Variants in RAD50 observed in about 807,000 individuals in gnomAD.
The protein encoded by RAD50 is DNA repair protein RAD50.
Under a neutral mutation model 168.8 loss-of-function variants are expected in RAD50, and 132 were observed. The ratio of observed to expected loss-of-function variants is 0.78; its 90% CI spans 0.68 to 0.90. The LOEUF (loss-of-function observed/expected upper bound fraction) is 0.90, where lower values mean the gene tolerates loss of function less well. Among genes scored for constraint, RAD50 ranks in the 40% least tolerant of loss-of-function variants. The pLI, the probability that RAD50 is intolerant of heterozygous loss-of-function variation, is 0.00. For synonymous variants in RAD50, 525 were observed against 497.4 expected, an observed-to-expected ratio of 1.06 and a Z score of -0.74; for missense variants, 1,347 against 1,534.4, an observed-to-expected ratio of 0.88 and a Z score of 2.04.
intron 5 of RAD50, 123 bp downstream of exon 5, chr5:132,580,189 A>AT: frequency 1.3e-6 from 1 of 779,510 alleles, no homozygotes; most frequent in Non-Finnish European, 2.1e-6. Flanking sequence ...CATTACTTCA[A>AT]TTTTTTTATG....
chr5:132,609,835 A>G (rs568458946), intron 19 of RAD50, among the ~76,000 whole-genome samples: 1 of 152,238 alleles, frequency 6.6e-6, no homozygotes, highest in Admixed American at 6.5e-5. Flanking sequence ...TTCTTACTTC[A>G]TTTATTTTTT....
intron 1 of RAD50, 115 bp from the exon 2 acceptor site, chr5:132,559,167 CAG>C: frequency 9.7e-7 from 1 of 1,029,056 alleles, no homozygotes; most frequent in Non-Finnish European, 1.4e-6. Context: ...TTTATAATGT[CAG>C]ATTTTATCTT....
chr5:132,590,276 T>C (rs929220031), intron 9 of RAD50, among the ~76,000 whole-genome samples: 6 of 152,056 alleles, frequency 3.9e-5, no homozygotes, highest in African/African-American at 1.4e-4. Flanking sequence ...TCAAGACCTG[T>C]CCAGCCAACA....
intron 21 of RAD50, among the ~76,000 whole-genome samples, chr5:132,625,081 T>G (rs1460611047): frequency 6.6e-6 from 1 of 151,964 alleles, no homozygotes; most frequent in African/African-American, 2.4e-5. Flanking sequence ...ATGTCCAGAT[T>G]TTGAATTCTT....
chr5:132,630,043 CTT>C (rs753085121), intron 21 of RAD50, among the ~76,000 whole-genome samples: 21 of 141,184 alleles, frequency 1.5e-4, no homozygotes, highest in Admixed American at 2.1e-4. Context: ...TTAGGTAATA[CTT>C]TTTTTTTTTT....
chr5:132,578,169 A>G (rs1027981796), intron 3 of RAD50, among the ~76,000 whole-genome samples: 4 of 152,198 alleles, frequency 2.6e-5, no homozygotes, highest in African/African-American at 4.8e-5. Flanking sequence ...CAACGTTTCC[A>G]AAACCAAACT....
At chr5:132,632,917 G>A (rs6596087) in intron 21 of RAD50, among the ~76,000 whole-genome samples, 39,788 of 151,714 alleles carry the variant, frequency 0.26, 5,803 homozygotes, top group African/African-American at 0.39. Context: ...TTTGTATGTT[G>A]TCTATTTGTA....
At chr5:132,595,350 A>G in intron 12 of RAD50, 1 of 515,054 alleles carries the variant, frequency 1.9e-6, no homozygotes, top group Non-Finnish European at 3.3e-6. Context: ...GCATTTTGTT[A>G]TACTTATAAT....
intron 19 of RAD50, among the ~76,000 whole-genome samples, chr5:132,611,165 CG>C (rs1314608952): frequency 6.6e-6 from 1 of 151,976 alleles, no homozygotes; most frequent in Admixed American, 6.6e-5. Flanking sequence ...CCAAGGCAGA[CG>C]GATCACCTGA....
rs745384449 is a variant in RAD50 at position 132,595,709 on chromosome 5, G to A, written c.2106G>A (p.Gln702=). Residue 702 remains glutamine, a synonymous_variant, in exon 13 of 25, where the codon CAG becomes CAA. Transcript: ENST00000378823. ...AELQEVISDL[Q]SKLRLAPDKL... is the part of the protein sequence containing the mutation. ...TACAAGAAGTCATCAGTGATTTGCA[G>A]TCTAAACTGCGACTTGCTCCAGATA... The A allele has an allele frequency of 1.2e-6, 2 of 1,613,972 alleles. No individual in the cohort carries two copies. Among genetic ancestry groups the A allele is most frequent in the East Asian group, 2.2e-5 (1 of 44,874 alleles).
In RAD50 at chr5:132,604,900, G is replaced by A. The variant is rs751662539; in HGVS notation, c.2619G>A (p.Glu873=). The change falls in exon 16 of 25, where the codon GAG becomes GAA. Residue 873 remains glutamate (E), a synonymous_variant. Transcript: ENST00000378823. ...LKSTTNELKS[E]KLQISTNLQR... ...GTACAACAAATGAGCTAAAATCTGA[G>A]AAACTTCAGATATCCACTAATTTGC... 7 of 1,613,312 alleles carry A rather than the reference G, an allele frequency of 4.3e-6. No individual in the cohort carries two copies. In the Admixed American group the frequency reaches 1.0e-4, roughly 23 times the overall value.
At chr5:132,605,114 G>A (rs1053764134) in intron 16 of RAD50, 115 bp downstream of exon 16, 15 of 709,374 alleles carry the variant, frequency 2.1e-5, no homozygotes, top group Admixed American at 3.3e-5. Context: ...GCACGATCTC[G>A]GCTCACTGCA....
chr5:132,576,007 T>A, intron 3 of RAD50, 79 bp downstream of exon 3: 1 of 1,371,532 alleles, frequency 7.3e-7, no homozygotes, highest in Non-Finnish European at 1.0e-6. Context: ...TTTTCTACTA[T>A]AAGTTTAGGG....
At position 132,579,317 on chromosome 5, in the gene RAD50, G is replaced by T. The variant is rs587782384; in HGVS notation, c.366G>T (p.Lys122Asn). The T allele has an allele frequency of 6.2e-7, 1 of 1,613,264 alleles. No individual in the cohort carries two copies. Among genetic ancestry groups the T allele is most frequent in the Non-Finnish European group, 8.5e-7 (1 of 1,179,336 alleles). Reference sequence around the variant, plus strand: ...TATTCTTGATTTTCATTTTCTGTAGGCATGGTGAAAAGGTCAGTCTGAGCT... The same window carrying T: ...TATTCTTGATTTTCATTTTCTGTAGTCATGGTGAAAAGGTCAGTCTGAGCT... ...KTLEGVITRTKHGEKVSLSSK... is the reference protein window; with the variant it reads ...KTLEGVITRTNHGEKVSLSSK... Residue 122 changes from lysine (K) to asparagine (N), a missense_variant and splice_region_variant, in exon 4 of 25, where the codon AAG (lysine) becomes AAT (asparagine). Lys to Asn is a moderately conservative substitution (Grantham distance 94). Coordinates refer to ENST00000378823, the MANE Select transcript of RAD50 (RefSeq NM_005732.4).
chr5:132,585,831 C>G (rs1750587365), intron 5 of RAD50, among the ~76,000 whole-genome samples: 1 of 151,916 alleles, frequency 6.6e-6, no homozygotes, highest in Admixed American at 6.6e-5. Context: ...TGGGCTCAAG[C>G]AATCAGCCTG....
rs376414399 is a variant in RAD50, at chr5:132,581,665, G to A, written c.756+1599G>A. On this transcript the variant is annotated intron_variant, in intron 5 of 24. Transcript: ENST00000378823. ...CTTAATCAGAACAGGATTATGAGAG[G>A]AAGAGTCTGGGTTAAGTAAATCAAT... is the stretch of plus-strand genomic sequence containing the variant. Among the ~76,000 whole-genome samples, 61 of 152,238 alleles carry A rather than the reference G, an allele frequency of 4.0e-4. No homozygotes were observed. The East Asian group carries it at 6.4e-3, about 16-fold the overall frequency.
At chr5:132,624,405 C>A (rs1374199017) in intron 21 of RAD50, among the ~76,000 whole-genome samples, 1 of 151,910 alleles carries the variant, frequency 6.6e-6, no homozygotes, top group Non-Finnish European at 1.5e-5. Flanking sequence ...TTTAATAATT[C>A]TTTTTAGTCT....
In RAD50 at chr5:132,638,142, G is replaced by A. The variant is rs2149863555; in HGVS notation, c.3537G>A (p.Arg1179=). ...AAAATGTATCAGCTTCTGATAAAAG[G>A]CGGAATTATAACTACCGAGTGGTGA... is the stretch of plus-strand genomic sequence containing the variant. ...ADENVSASDK[R]RNYNYRVVML... Residue 1179 remains arginine (R), a synonymous_variant, in exon 23 of 25, where the codon AGG becomes AGA. Transcript: ENST00000378823. 3 of 1,614,096 alleles carry A rather than the reference G, an allele frequency of 1.9e-6. No individual in the cohort carries two copies. Among genetic ancestry groups the A allele is most frequent in the Non-Finnish European group, 2.5e-6 (3 of 1,179,972 alleles).
chr5:132,642,221 G>A lies in RAD50; in HGVS notation c.3796G>A (p.Val1266Ile), dbSNP rs750133404. Residue 1266 changes from valine (V) to isoleucine (I), a missense_variant, in exon 25 of 25, where the codon GTA becomes ATA. Transcript: ENST00000378823. The part of the protein sequence containing the change: ...RSQQRNFQLL[V>I]ITHDEDFVEL... ...ACAGCAGCGTAACTTCCAGCTTCTG[G>A]TAATCACTCATGATGAAGATTTTGT... The A allele has an allele frequency of 7.4e-6, 12 of 1,614,176 alleles. No homozygotes were observed. Among genetic ancestry groups the A allele is most frequent in the South Asian group, 5.5e-5 (5 of 91,070 alleles).
Sources: allele counts gnomAD v4.1 joint callset (sites outside exome capture counted in the v4.1 genomes callset), GRCh38; gene constraint gnomAD v4.1.1; transcripts MANE v1.5; gene names NCBI Gene and HGNC (gene_info 2026-07-23, HGNC 2026-07-21).